Variants in SLC39A9 observed in about 807,000 individuals in gnomAD.
The protein encoded by SLC39A9 is zinc transporter ZIP9.
SLC39A9 carries 14 observed loss-of-function variants against 28.4 expected under a neutral mutation model. The observed-to-expected ratio is 0.49, with a 90% confidence interval of 0.33 to 0.77. The LOEUF (loss-of-function observed/expected upper bound fraction) is 0.77, where lower values mean the gene tolerates loss of function less well. SLC39A9 is among the 30% of genes least tolerant of loss of function. SLC39A9 has a pLI of 0.02. For synonymous variants in SLC39A9, 119 were observed against 149.6 expected, an observed-to-expected ratio of 0.80 and a Z score of 1.49; for missense variants, 283 against 381.1, an observed-to-expected ratio of 0.74 and a Z score of 2.14.
intron 6 of SLC39A9, among the ~76,000 whole-genome samples, chr14:69,457,383 A>G (rs1289089558): frequency 6.6e-6 from 1 of 151,360 alleles, no homozygotes; most frequent in African/African-American, 2.4e-5. Flanking sequence ...TTGTATTTTT[A>G]GTAGAGACAG....
intron 1 of SLC39A9, among the ~76,000 whole-genome samples, chr14:69,412,221 C>G (rs1028595249): frequency 6.6e-6 from 1 of 151,482 alleles, no homozygotes; most frequent in Non-Finnish European, 1.5e-5. Flanking sequence ...AATCCTATCT[C>G]TACTAAAAAT....
In SLC39A9 at chr14:69,460,377, C is replaced by G. The variant is rs747800651; in HGVS notation, c.*1784C>G. 3.0e-6 allele frequency: 3 copies of G among 985,308 alleles called. No individual in the cohort carries two copies. The highest frequency in any genetic ancestry group is 3.6e-6 in the Non-Finnish European group (3 of 829,938). 61.0% of individuals were successfully genotyped at this position (985,308 alleles called of 1,614,324 possible). A position where few individuals can be genotyped will look rare whatever the true frequency, so the allele number is the denominator to read the frequency against. On this transcript the variant is annotated 3_prime_UTR_variant, in exon 7 of 7. Coordinates refer to ENST00000336643, the MANE Select transcript of SLC39A9 (RefSeq NM_018375.5). ...TGTAGTCATTGGCAACAATTGCATACAATTTTACTACCAAGAGAAGGTATA... is the reference window on the plus strand; with the variant it reads ...TGTAGTCATTGGCAACAATTGCATAGAATTTTACTACCAAGAGAAGGTATA...
Position 69,458,412 on chromosome 14 carries a change from T to C in SLC39A9, c.743T>C (p.Leu248Pro). The C allele has an allele frequency of 1.9e-6, 3 of 1,614,268 alleles. No individual in the cohort carries two copies. Among genetic ancestry groups the C allele is most frequent in the Non-Finnish European group, 2.5e-6 (3 of 1,180,040 alleles). The change falls in exon 7 of 7, where the codon CTT (leucine) becomes CCT (proline). Residue 248 changes from leucine (L) to proline (P), a missense_variant. Leu to Pro is a moderately conservative substitution (Grantham distance 98). Transcript: ENST00000336643. ...SEVNATGVAM[L>P]FSAGTFLYVA... ...GTGAACGCCACGGGAGTGGCCATGCTTTTCTCTGCCGGGACATTTCTTTAT... is the reference window on the plus strand; with the variant it reads ...GTGAACGCCACGGGAGTGGCCATGCCTTTCTCTGCCGGGACATTTCTTTAT...
rs1274939795 is a variant in SLC39A9, at chr14:69,454,277, A to AT, written c.473-532dup. On this transcript the variant is annotated intron_variant, in intron 4 of 6. Transcript: ENST00000336643. ...GAGTTCTAGTATCTTTATTTTATTT[A>AT]TTTCTTTTTTTGAGACGGAGTCTCA... 3.9e-5 allele frequency among the ~76,000 whole-genome samples: 6 copies of AT among 151,960 alleles called. No homozygotes were observed. The South Asian group carries it at 8.3e-4, about 21-fold the overall frequency.
intron 3 of SLC39A9, among the ~76,000 whole-genome samples, chr14:69,449,764 C>G (rs1008671576): frequency 1.3e-5 from 2 of 152,152 alleles, no homozygotes; most frequent in African/African-American, 4.8e-5. Context: ...CAGAGAGTAG[C>G]TGCAGAAAGT....
chr14:69,435,228 G>T (rs1443790195), intron 2 of SLC39A9, among the ~76,000 whole-genome samples: 2 of 152,040 alleles, frequency 1.3e-5, no homozygotes, highest in Admixed American at 1.3e-4. Context: ...GAAGCTCTTT[G>T]GTTAGGTACC....
intron 2 of SLC39A9, among the ~76,000 whole-genome samples, chr14:69,431,561 T>C (rs865896943): frequency 3.8e-4 from 56 of 149,286 alleles, no homozygotes; most frequent in African/African-American, 1.2e-3. Flanking sequence ...CTGTTTCTCT[T>C]TTTTTTTTTT....
In SLC39A9 at chr14:69,423,899, A is replaced by C. The variant is rs997041912; in HGVS notation, c.97-195A>C. On this transcript the variant is annotated intron_variant, in intron 1 of 6. Transcript: ENST00000336643. ...GCGACAGAGCAAGATTCTGTCTCAAAAAAAAAAAAAAAAAAATTCATCTCT... is the reference window on the plus strand; with the variant it reads ...GCGACAGAGCAAGATTCTGTCTCAACAAAAAAAAAAAAAAAATTCATCTCT... 2.8e-4 allele frequency among the ~76,000 whole-genome samples: 42 copies of C among 147,808 alleles called. 1 individual carries two copies. Among genetic ancestry groups the C allele is most frequent in the African/African-American group, 1.1e-3 (42 of 39,894 alleles).
chr14:69,430,189 T>C (rs1285052302), intron 2 of SLC39A9, among the ~76,000 whole-genome samples: 1 of 152,246 alleles, frequency 6.6e-6, no homozygotes, highest in African/African-American at 2.4e-5. Flanking sequence ...AGAGCAGTTT[T>C]TAATTCTGAT....
chr14:69,457,826 G>A (rs1332049737), intron 6 of SLC39A9, among the ~76,000 whole-genome samples: 1 of 152,152 alleles, frequency 6.6e-6, no homozygotes, highest in East Asian at 1.9e-4. Context: ...GTTCCAGGCT[G>A]TAGTGTGTTA....
In SLC39A9 at chr14:69,458,427, C is replaced by G. The variant is rs1387897989; in HGVS notation, c.758C>G (p.Thr253Arg). ...TGVAMLFSAG[T>R]FLYVATVHVL... ...GTGGCCATGCTTTTCTCTGCCGGGA[C>G]ATTTCTTTATGTTGCCACAGTACAT... is the stretch of plus-strand genomic sequence containing the variant. The change falls in exon 7 of 7, where the codon ACA (threonine) becomes AGA (arginine). Residue 253 changes from threonine (T) to arginine (R), a missense_variant. By Grantham distance (71) the Thr-to-Arg change is moderately conservative. Transcript: ENST00000336643. 3.7e-6 allele frequency: 6 copies of G among 1,614,226 alleles called. No homozygotes were observed. The highest frequency in any genetic ancestry group is 5.1e-6 in the Non-Finnish European group (6 of 1,180,044).
intron 2 of SLC39A9, among the ~76,000 whole-genome samples, chr14:69,435,718 G>T (rs1332003341): frequency 2.6e-5 from 4 of 151,994 alleles, no homozygotes; most frequent in Admixed American, 1.3e-4. Context: ...TTTTGCCCAG[G>T]CTGGAGTGCA....
At chr14:69,409,710 G>GT (rs1269119593) in intron 1 of SLC39A9, among the ~76,000 whole-genome samples, 2 of 152,092 alleles carry the variant, frequency 1.3e-5, no homozygotes, top group African/African-American at 4.8e-5. Flanking sequence ...CATTTAATAT[G>GT]TTTTTACATT....
intron 2 of SLC39A9, among the ~76,000 whole-genome samples, chr14:69,431,595 G>T (rs567039236): frequency 6.6e-6 from 1 of 150,888 alleles, no homozygotes; most frequent in Non-Finnish European, 1.5e-5. Context: ...AGATTCAGGG[G>T]GTACATGTAC....
At chr14:69,426,793 A>T (rs1201787370) in intron 2 of SLC39A9, among the ~76,000 whole-genome samples, 3 of 152,228 alleles carry the variant, frequency 2.0e-5, no homozygotes, top group African/African-American at 7.2e-5. Context: ...AGGCTATGTA[A>T]GTTATGAACC....
rs1885066278 is a variant in SLC39A9 at position 69,441,896 on chromosome 14, TTCA to T, written c.206-168_206-166del. ...AAGGCAGAAGACATTTGGGAATTTT[TTCA>T]TCATGAACTTTAAGTTGAAGGAGTT... On this transcript the variant is annotated intron_variant, in intron 2 of 6. Coordinates refer to ENST00000336643, the MANE Select transcript of SLC39A9 (RefSeq NM_018375.5). The T allele has an allele frequency of 2.2e-6, 3 of 1,390,266 alleles. No individual in the cohort carries two copies. In the South Asian group the frequency reaches 5.0e-5, roughly 23 times the overall value. 86.1% of individuals were successfully genotyped at this position (1,390,266 alleles called of 1,614,324 possible). A position where few individuals can be genotyped will look rare whatever the true frequency, so the allele number is the denominator to read the frequency against.
chr14:69,426,846 G>A (rs1884219831), intron 2 of SLC39A9, among the ~76,000 whole-genome samples: 1 of 152,102 alleles, frequency 6.6e-6, no homozygotes, highest in Admixed American at 6.5e-5. Flanking sequence ...TAACGTTTGT[G>A]TGTGTGTGTA....
chr14:69,457,142 A>ATAAAGATTTTAT (rs1326865735), intron 6 of SLC39A9, among the ~76,000 whole-genome samples: 1 of 152,028 alleles, frequency 6.6e-6, no homozygotes, highest in East Asian at 1.9e-4. Context: ...AAAGGTTGAA[A>ATAAAGATTTTAT]TTAGTTTTAT....
chr14:69,453,533 AG>A (rs1885716318), intron 4 of SLC39A9, among the ~76,000 whole-genome samples: 1 of 149,600 alleles, frequency 6.7e-6, no homozygotes, highest in African/African-American at 2.5e-5. Context: ...AAAAAAAAAA[AG>A]AGAGAGAGGA....
Sources: allele counts gnomAD v4.1 joint callset (sites outside exome capture counted in the v4.1 genomes callset), GRCh38; gene constraint gnomAD v4.1.1; transcripts MANE v1.5; gene names NCBI Gene and HGNC (gene_info 2026-07-23, HGNC 2026-07-21).